PTPRD: variants seen among roughly 807,000 people sequenced by gnomAD.
PTPRD encodes the protein protein tyrosine phosphatase receptor type D, also known as receptor-type tyrosine-protein phosphatase delta.
A neutral mutation model predicts 214.5 loss-of-function variants in PTPRD; 34 were observed. The observed-to-expected ratio is 0.16, with a 90% CI of 0.12 to 0.21. The LOEUF (loss-of-function observed/expected upper bound fraction) is 0.21. PTPRD is among the 10% of genes least tolerant of loss of function. PTPRD has a pLI of 1.00. For synonymous variants in PTPRD, 1,128 were observed against 845.7 expected, an observed-to-expected ratio of 1.33 and a Z score of -5.79; for missense variants, 2,545 against 2,398.7, an observed-to-expected ratio of 1.06 and a Z score of -1.27.
At chr9:8,345,374 C>T (rs186190258) in intron 39 of PTPRD, among the ~76,000 whole-genome samples, 2 of 152,056 alleles carry the variant, frequency 1.3e-5, no homozygotes, top group South Asian at 4.1e-4. Context: ...GTTCCCAGCA[C>T]CCCCAGTGCT....
intron 21 of PTPRD, among the ~76,000 whole-genome samples, chr9:8,511,351 G>A (rs1245724442): frequency 6.6e-6 from 1 of 152,124 alleles, no homozygotes; most frequent in Admixed American, 6.5e-5. Flanking sequence ...GAGTATGGGT[G>A]TGAGCCACTG....
At chr9:10,066,741 T>C (rs2097893565) in intron 3 of PTPRD, among the ~76,000 whole-genome samples, 1 of 151,930 alleles carries the variant, frequency 6.6e-6, no homozygotes, top group African/African-American at 2.4e-5. Context: ...CTTTGACACT[T>C]TCACTAAACA....
chr9:10,037,243 T>C (rs1041032657), intron 3 of PTPRD, among the ~76,000 whole-genome samples: 1 of 152,116 alleles, frequency 6.6e-6, no homozygotes, highest in Non-Finnish European at 1.5e-5. Context: ...CCAAATCTCA[T>C]ATCAAATCAT....
chr9:8,440,713 G>A (rs372590771), intron 34 of PTPRD, among the ~76,000 whole-genome samples: 6 of 152,108 alleles, frequency 3.9e-5, no homozygotes, highest in African/African-American at 4.8e-5. Flanking sequence ...TGACAGATGC[G>A]GTCACTGAAA....
At chr9:9,462,407 G>A (rs2093741736) in intron 8 of PTPRD, among the ~76,000 whole-genome samples, 1 of 152,064 alleles carries the variant, frequency 6.6e-6, no homozygotes, top group African/African-American at 2.4e-5. Flanking sequence ...AAAAGATTTT[G>A]CAGAAAGGCA....
At chr9:10,202,874 G>A (rs951860887) in intron 3 of PTPRD, among the ~76,000 whole-genome samples, 15 of 151,716 alleles carry the variant, frequency 9.9e-5, no homozygotes, top group Non-Finnish European at 2.1e-4. Context: ...AGTATTAGGT[G>A]CTAACCAGGA....
intron 2 of PTPRD, among the ~76,000 whole-genome samples, chr9:10,361,122 C>CA (rs1371082849): frequency 1.3e-5 from 2 of 151,966 alleles, no homozygotes; most frequent in Admixed American, 6.6e-5. Context: ...AACAAATAAA[C>CA]AAAAAATTGT....
intron 2 of PTPRD, among the ~76,000 whole-genome samples, chr9:10,603,330 T>C (rs796892967): frequency 7.2e-5 from 11 of 151,980 alleles, no homozygotes; most frequent in African/African-American, 2.4e-4. Flanking sequence ...CTCTGCTTCT[T>C]TGTTCCCCTG....
At chr9:10,065,236 C>T (rs956371806) in intron 3 of PTPRD, among the ~76,000 whole-genome samples, 5 of 143,364 alleles carry the variant, frequency 3.5e-5, no homozygotes, top group Non-Finnish European at 7.7e-5. Flanking sequence ...ATTTCCAGTA[C>T]ATGTATTTAT....
chr9:9,576,273 C>G (rs1421809676), intron 7 of PTPRD, among the ~76,000 whole-genome samples: 5 of 152,142 alleles, frequency 3.3e-5, no homozygotes, highest in African/African-American at 9.7e-5. Flanking sequence ...GTGAATCTGA[C>G]AGTAAAATGA....
chr9:9,361,505 A>G, intron 9 of PTPRD, among the ~76,000 whole-genome samples: 1 of 151,030 alleles, frequency 6.6e-6, no homozygotes, highest in Non-Finnish European at 1.5e-5. Context: ...TTACTGCCAG[A>G]TTCAATTCTA....
At chr9:9,839,190 A>C (rs1037838641) in intron 5 of PTPRD, among the ~76,000 whole-genome samples, 4 of 151,910 alleles carry the variant, frequency 2.6e-5, no homozygotes, top group African/African-American at 9.7e-5. Context: ...TAGTGTTGGA[A>C]GTTCTGGCCA....
At chr9:8,726,117 A>G (rs1015122007) in intron 12 of PTPRD, among the ~76,000 whole-genome samples, 5 of 152,226 alleles carry the variant, frequency 3.3e-5, no homozygotes, top group Middle Eastern at 6.8e-3. Flanking sequence ...AAAAGAATAT[A>G]CTAAATTTTA....
At chr9:10,207,252 T>G (rs528070825) in intron 3 of PTPRD, among the ~76,000 whole-genome samples, 1 of 132,868 alleles carries the variant, frequency 7.5e-6, no homozygotes, top group African/African-American at 3.1e-5. Flanking sequence ...TTTACAGTTA[T>G]AGATAATGCA....
chr9:9,985,813 TATC>T (rs2095690789), intron 4 of PTPRD, among the ~76,000 whole-genome samples: 2 of 151,966 alleles, frequency 1.3e-5, no homozygotes, highest in Non-Finnish European at 2.9e-5. Context: ...ATTAATGAGT[TATC>T]ATATTTGAAA....
At chr9:9,746,068 A>T (rs978914750) in intron 6 of PTPRD, among the ~76,000 whole-genome samples, 1 of 152,146 alleles carries the variant, frequency 6.6e-6, no homozygotes, top group African/African-American at 2.4e-5. Context: ...TTCCTCAGGA[A>T]ACCCAAGAGA....
chr9:8,327,919 AGATGGGTCTCCTGAATACAGCACACT>A (rs1455955360), intron 44 of PTPRD, among the ~76,000 whole-genome samples: 7 of 151,818 alleles, frequency 4.6e-5, no homozygotes, highest in African/African-American at 1.7e-4. Flanking sequence ...TTTGCATGTG[AGATGGGTCTCCTGAATACAGCACACT>A]GATGGGTCTT....
chr9:8,330,889 C>CTAAAATAT lies in PTPRD; in HGVS notation c.5534+685_5534+692dup, dbSNP rs1343084589. On this transcript the variant is annotated intron_variant, in intron 44 of 45. Transcript: ENST00000381196. Reference sequence around the variant, plus strand: ...GATTAGATGTCAAGTTGCCAGAACCCTAAAATATATTAGTTTAAATAAAAT... The same window carrying CTAAAATAT: ...GATTAGATGTCAAGTTGCCAGAACCCTAAAATATTAAAATATATTAGTTTAAATAAAAT... Among the ~76,000 whole-genome samples, 5 of 150,104 alleles carry CTAAAATAT rather than the reference C, an allele frequency of 3.3e-5. No individual in the cohort carries two copies. In the East Asian group the frequency reaches 5.8e-4, roughly 17 times the overall value.
chr9:9,441,009 A>G (rs760250830), intron 8 of PTPRD, among the ~76,000 whole-genome samples: 2 of 152,188 alleles, frequency 1.3e-5, no homozygotes, highest in African/African-American at 2.4e-5. Flanking sequence ...AAAGTTCCAG[A>G]GCTGAAATGT....
Sources: allele counts gnomAD v4.1 joint callset (sites outside exome capture counted in the v4.1 genomes callset), GRCh38; gene constraint gnomAD v4.1.1; transcripts MANE v1.5; gene names NCBI Gene and HGNC (gene_info 2026-07-23, HGNC 2026-07-21).